The following POC1B variants were observed in gnomAD, a reference collection of about 807,000 sequenced individuals.
POC1B encodes the protein POC1 centriolar protein B, also known as POC1 centriolar protein homolog B.
Under a neutral mutation model 60.6 loss-of-function variants are expected in POC1B, and 44 were observed. That is an observed-to-expected ratio of 0.73 (90% CI 0.57 to 0.93). The LOEUF is 0.93. POC1B is among the 40% of genes least tolerant of loss of function. The probability of loss-of-function intolerance (pLI) is 0.00; values close to 1 mark genes in which losing one functional copy is unlikely to be tolerated. For synonymous variants in POC1B, 180 were observed against 198.9 expected (o/e 0.90, Z 0.80); for missense variants, 555 against 572.3 (o/e 0.97, Z 0.31).
chr12:89,421,361 C>T (rs1308513360), intron 11 of POC1B, 104 bp from the exon 12 acceptor site: 4 of 931,456 alleles, frequency 4.3e-6, no homozygotes, highest in East Asian at 5.4e-5. Context: ...GGATGCCCAC[C>T]CTTCTACCAA....
rs761095033 is a variant in POC1B at position 89,466,792 on chromosome 12, T to C, written c.1010A>G (p.Glu337Gly). 1 of 1,612,650 alleles carries C rather than the reference T, an allele frequency of 6.2e-7. No individual in the cohort carries two copies. The highest frequency in any genetic ancestry group is 1.1e-5 in the South Asian group (1 of 90,870). The change falls in exon 9 of 12, where the codon GAG becomes GGG. Residue 337 changes from glutamate (E) to glycine (G), a missense_variant. Coordinates refer to ENST00000313546, the MANE Select transcript of POC1B (RefSeq NM_172240.3). ...CACTTCTACAGTCTCAACTTTTTCCTCATGGGGATGTGGTGTTCTTGGGTA... is the reference window on the plus strand; with the variant it reads ...CACTTCTACAGTCTCAACTTTTTCCCCATGGGGATGTGGTGTTCTTGGGTA... Reference protein sequence around the residue: ...DIYPRTPHPHEEKVETVEINP... With the variant: ...DIYPRTPHPHGEKVETVEINP...
intron 10 of POC1B, among the ~76,000 whole-genome samples, chr12:89,432,868 T>C (rs951481003): frequency 1.4e-4 from 21 of 152,224 alleles, no homozygotes; most frequent in African/African-American, 5.1e-4. Context: ...TTTTTATCCA[T>C]GGGTCTATGA....
chr12:89,481,581 C>G (rs1384003167), intron 4 of POC1B, among the ~76,000 whole-genome samples: 1 of 152,100 alleles, frequency 6.6e-6, no homozygotes, highest in Non-Finnish European at 1.5e-5. Flanking sequence ...ATTTTGAAGA[C>G]AGGGTACAAG....
intron 10 of POC1B, among the ~76,000 whole-genome samples, chr12:89,445,893 A>T (rs1225279258): frequency 1.3e-5 from 2 of 152,226 alleles, no homozygotes; most frequent in African/African-American, 4.8e-5. Context: ...TCTACAAAGA[A>T]CTTAAACAAA....
chr12:89,418,020 C>A (rs542236704), downstream of POC1B, among the ~76,000 whole-genome samples: 1 of 152,166 alleles, frequency 6.6e-6, no homozygotes, highest in Non-Finnish European at 1.5e-5. Flanking sequence ...TCCATCAATG[C>A]GGAGTTGCTT....
chr12:89,454,926 C>T (rs1238941323), intron 10 of POC1B, among the ~76,000 whole-genome samples: 1 of 151,128 alleles, frequency 6.6e-6, no homozygotes, highest in Non-Finnish European at 1.5e-5. Flanking sequence ...CTTCCTGGAT[C>T]CCACCACATC....
intron 2 of POC1B, chr12:89,502,497 A>C (rs1485535891): frequency 1.8e-6 from 2 of 1,088,744 alleles, no homozygotes; most frequent in Non-Finnish European, 2.8e-6. Context: ...AAATCTAATA[A>C]GAAAAGGATC....
At chr12:89,502,527 G>C in intron 2 of POC1B, 6 of 1,107,828 alleles carry the variant, frequency 5.4e-6, no homozygotes, top group Non-Finnish European at 6.8e-6. Flanking sequence ...AACGATGAAA[G>C]AAAGACTAGC....
intron 2 of POC1B, chr12:89,522,635 G>A: frequency 1.6e-6 from 1 of 623,492 alleles, no homozygotes; most frequent in Non-Finnish European, 2.4e-6. Context: ...TTAAACAGCA[G>A]CACTCTGGGT....
chr12:89,501,480 C>G (rs1026042058), intron 2 of POC1B: 4 of 1,011,558 alleles, frequency 4.0e-6, no homozygotes, highest in African/African-American at 3.2e-5. Flanking sequence ...GAAATTCAGA[C>G]AGAAATATGG....
intron 10 of POC1B, among the ~76,000 whole-genome samples, chr12:89,459,350 T>C (rs898610862): frequency 6.8e-6 from 1 of 147,538 alleles, no homozygotes; most frequent in Non-Finnish European, 1.5e-5. Flanking sequence ...ACATGGCACA[T>C]GTATACATAT....
At chr12:89,516,210 G>T (rs1870434824) in intron 2 of POC1B, among the ~76,000 whole-genome samples, 1 of 151,924 alleles carries the variant, frequency 6.6e-6, no homozygotes, top group Non-Finnish European at 1.5e-5. Flanking sequence ...TACTATAACG[G>T]CTTTCCCTCC....
At chr12:89,503,608 G>A (rs534369963) in intron 2 of POC1B, among the ~76,000 whole-genome samples, 6 of 126,954 alleles carry the variant, frequency 4.7e-5, no homozygotes, top group East Asian at 5.5e-4. Flanking sequence ...GTCTCTGCCC[G>A]GCCGCCCATC....
intron 10 of POC1B, chr12:89,429,308 T>C (rs1204754193): frequency 6.6e-6 from 1 of 152,250 alleles, no homozygotes; most frequent in East Asian, 1.9e-4. Flanking sequence ...TCAAAGGTAT[T>C]GAAACCTAGG....
rs908199122 is a variant in POC1B, at chr12:89,497,337, C to T, written c.106G>A (p.Ala36Thr). Residue 36 changes from alanine (A) to threonine (T), a missense_variant, in exon 3 of 12, where the codon GCT becomes ACT. Coordinates refer to ENST00000313546, the MANE Select transcript of POC1B (RefSeq NM_172240.3). ...AGCATGAGAAAGGTATCCCAAGAAGCAGTAGCTATCAAGAAATAGAAGAAC... is the reference window on the plus strand; with the variant it reads ...AGCATGAGAAAGGTATCCCAAGAAGTAGTAGCTATCAAGAAATAGAAGAAC... The part of the protein sequence containing the change: ...LSPNGKQLAT[A>T]SWDTFLMLWN... The T allele has an allele frequency of 6.2e-7, 1 of 1,610,536 alleles. No homozygotes were observed. The highest frequency in any genetic ancestry group is 8.5e-7 in the Non-Finnish European group (1 of 1,178,840).
chr12:89,501,149 A>T, intron 2 of POC1B: 1 of 1,401,418 alleles, frequency 7.1e-7, no homozygotes, highest in Non-Finnish European at 1.0e-6. Context: ...TCAAGAGAAA[A>T]GCATCATAAT....
chr12:89,482,218 A>G (rs1461431287), intron 4 of POC1B, among the ~76,000 whole-genome samples: 1 of 152,204 alleles, frequency 6.6e-6, no homozygotes, highest in Non-Finnish European at 1.5e-5. Flanking sequence ...AAATGGATAC[A>G]GTTAATTGGA....
intron 2 of POC1B, chr12:89,523,666 T>C: frequency 1.3e-6 from 2 of 1,538,206 alleles, no homozygotes; most frequent in Non-Finnish European, 1.7e-6. Context: ...TATCCGCCTG[T>C]CCCTTTCCTG....
chr12:89,524,956 G>T, intron 2 of POC1B, 164 bp downstream of exon 2: 1 of 1,094,816 alleles, frequency 9.1e-7, no homozygotes, highest in Non-Finnish European at 1.3e-6. Flanking sequence ...TGGCAGAGGG[G>T]GCCCTAGCTG....
Sources: gnomAD v4.1 joint callset for allele counts (sites outside exome capture counted in the v4.1 genomes callset) on GRCh38, gnomAD v4.1.1 for gene constraint, MANE v1.5 for transcripts, NCBI Gene and HGNC (gene_info 2026-07-23, HGNC 2026-07-21) for gene names.